LDLRAD3: variants seen among roughly 807,000 people sequenced by gnomAD.
LDLRAD3 encodes low density lipoprotein receptor class A domain containing 3, also known as low-density lipoprotein receptor class A domain-containing protein 3.
In LDLRAD3, 20 loss-of-function variants were observed where a neutral mutation model predicts 29.4. The ratio of observed to expected loss-of-function variants is 0.68; its 90% CI spans 0.48 to 0.99. The LOEUF is 0.99. LDLRAD3 is among the 50% of genes least tolerant of loss of function. The pLI is 0.00. For synonymous variants in LDLRAD3, 157 were observed against 192.7 expected, an observed-to-expected ratio of 0.81 and a Z score of 1.53; for missense variants, 420 against 454.3, an observed-to-expected ratio of 0.92 and a Z score of 0.69.
chr11:36,018,063 G>A (rs1178557179), intron 1 of LDLRAD3, among the ~76,000 whole-genome samples: 6 of 152,316 alleles, frequency 3.9e-5, no homozygotes, highest in East Asian at 1.9e-4. Flanking sequence ...GGGCACAAAC[G>A]AGATTAATTT....
rs961517591 is a variant in LDLRAD3 at position 36,019,283 on chromosome 11, A to G, written c.47-16820A>G. 1.3e-5 allele frequency among the ~76,000 whole-genome samples: 2 copies of G among 152,318 alleles called. 1 individual carries two copies. The highest frequency in any genetic ancestry group is 4.1e-4 in the South Asian group (2 of 4,826). On this transcript the variant is annotated intron_variant, in intron 1 of 5. Coordinates refer to ENST00000315571, the MANE Select transcript of LDLRAD3 (RefSeq NM_174902.4). ...TCTTGCCCCGTGTCTCTTAAAAACC[A>G]TGGTCTCTCATGTTGTTAGCATAAA...
At chr11:35,968,034 A>T in intron 1 of LDLRAD3, 1 of 459,680 alleles carries the variant, frequency 2.2e-6, no homozygotes, top group Non-Finnish European at 4.4e-6. Flanking sequence ...GACTGTACCA[A>T]ATTCACCAAC....
At position 35,963,435 on chromosome 11, in the gene LDLRAD3, T is replaced by G. The variant is rs537440160; in HGVS notation, c.46+19291T>G. ...CTCCCAGTTCTGTGTGTGTGTGTGT[T>G]TTTTTTTTTTTAACACGTTGTTACA... is the stretch of plus-strand genomic sequence containing the variant. On this transcript the variant is annotated intron_variant, in intron 1 of 5. Transcript: ENST00000315571. Among the ~76,000 whole-genome samples, 1,176 of 147,724 alleles carry G rather than the reference T, an allele frequency of 8.0e-3. 8 individuals carry two copies. Among genetic ancestry groups the G allele is most frequent in the South Asian group, 0.01 (49 of 4,714 alleles).
At chr11:36,136,482 A>C (rs1854005633) in intron 4 of LDLRAD3, among the ~76,000 whole-genome samples, 1 of 151,996 alleles carries the variant, frequency 6.6e-6, no homozygotes, top group Non-Finnish European at 1.5e-5. Flanking sequence ...TGCTGTCTCT[A>C]TGATAGTGAG....
In LDLRAD3 at chr11:36,177,746, C is replaced by T. The variant is rs551410249; in HGVS notation, c.455-49339C>T. Among the ~76,000 whole-genome samples, 48 of 152,334 alleles carry T rather than the reference C, an allele frequency of 3.2e-4. No individual in the cohort carries two copies. The South Asian group carries it at 5.6e-3, about 18-fold the overall frequency. On this transcript the variant is annotated intron_variant, in intron 4 of 5. Coordinates refer to ENST00000315571, the MANE Select transcript of LDLRAD3 (RefSeq NM_174902.4). ...GGAGGTAGCAGGGGAGTGAAGTGGA[C>T]TCTGTCCTTGGTTGTAATTTTGTAT...
At chr11:36,179,429 G>A (rs1854724701) in intron 4 of LDLRAD3, among the ~76,000 whole-genome samples, 1 of 152,080 alleles carries the variant, frequency 6.6e-6, no homozygotes, top group African/African-American at 2.4e-5. Context: ...AGCCAAGATT[G>A]TGCCACTGCA....
intron 2 of LDLRAD3, among the ~76,000 whole-genome samples, chr11:36,061,202 A>C (rs1489806463): frequency 6.6e-6 from 1 of 152,118 alleles, no homozygotes; most frequent in African/African-American, 2.4e-5. Context: ...GCAGTGGTGC[A>C]ATCTCGGCTC....
rs578171596 is a variant in LDLRAD3, at chr11:36,145,386, G to T, written c.454+46925G>T. On this transcript the variant is annotated intron_variant, in intron 4 of 5. Coordinates refer to ENST00000315571, the MANE Select transcript of LDLRAD3 (RefSeq NM_174902.4). ...CGCCCCGTCTGGGAGGGAGGTGGGG[G>T]GGTCAGCCCCCCGCCCAGCCAGCCA... 2.9e-3 allele frequency among the ~76,000 whole-genome samples: 290 copies of T among 101,354 alleles called. 10 individuals carry two copies. The highest frequency in any genetic ancestry group is 0.01 in the African/African-American group (218 of 21,346). 66.5% of individuals were successfully genotyped at this position (101,354 alleles called of 152,430 possible).
intron 1 of LDLRAD3, among the ~76,000 whole-genome samples, chr11:35,977,125 G>A (rs2133153044): frequency 6.6e-6 from 1 of 152,270 alleles, no homozygotes; most frequent in East Asian, 1.9e-4. Flanking sequence ...GGGTGGCATG[G>A]TGCTAGCTCC....
chr11:36,004,274 A>T (rs1025432985), intron 1 of LDLRAD3, among the ~76,000 whole-genome samples: 16 of 152,298 alleles, frequency 1.1e-4, no homozygotes, highest in Admixed American at 5.2e-4. Flanking sequence ...TACAATGGGG[A>T]TACAGGTATA....
At chr11:35,993,215 A>G (rs1851711068) in intron 1 of LDLRAD3, among the ~76,000 whole-genome samples, 2 of 152,182 alleles carry the variant, frequency 1.3e-5, no homozygotes, top group Non-Finnish European at 2.9e-5. Flanking sequence ...AACAAGTTAA[A>G]AGATTGAGCA....
intron 1 of LDLRAD3, among the ~76,000 whole-genome samples, chr11:35,960,958 C>T (rs1851269954): frequency 6.6e-6 from 1 of 152,230 alleles, no homozygotes; most frequent in African/African-American, 2.4e-5. Flanking sequence ...GTGGCCAGGC[C>T]TGTTCCCTCA....
chr11:36,082,663 G>A (rs894702572), intron 3 of LDLRAD3, among the ~76,000 whole-genome samples: 1 of 152,182 alleles, frequency 6.6e-6, no homozygotes, highest in Non-Finnish European at 1.5e-5. Flanking sequence ...GTATCAGTGT[G>A]CATGCACACA....
At chr11:36,120,525 GA>G (rs1329215575) in intron 4 of LDLRAD3, among the ~76,000 whole-genome samples, 6 of 150,334 alleles carry the variant, frequency 4.0e-5, no homozygotes, top group East Asian at 1.9e-4. Flanking sequence ...AAAGGAATTT[GA>G]AAAAAAAAGA....
At chr11:35,960,892 C>G (rs559346461) in intron 1 of LDLRAD3, among the ~76,000 whole-genome samples, 1 of 152,324 alleles carries the variant, frequency 6.6e-6, no homozygotes, top group East Asian at 1.9e-4. Flanking sequence ...CCGTGCCCGG[C>G]CTGCTTTGGT....
intron 1 of LDLRAD3, among the ~76,000 whole-genome samples, chr11:35,953,099 G>C (rs1376132639): frequency 6.6e-6 from 1 of 152,186 alleles, no homozygotes; most frequent in Non-Finnish European, 1.5e-5. Flanking sequence ...CCTTTCCAGA[G>C]ACCTGAGAAC....
At chr11:36,014,386 T>C (rs1320021213) in intron 1 of LDLRAD3, among the ~76,000 whole-genome samples, 1 of 152,202 alleles carries the variant, frequency 6.6e-6, no homozygotes, top group African/African-American at 2.4e-5. Flanking sequence ...GAAAATGCTG[T>C]GTAACACCAT....
intron 4 of LDLRAD3, among the ~76,000 whole-genome samples, chr11:36,110,980 A>T (rs1476468712): frequency 6.6e-6 from 1 of 152,196 alleles, no homozygotes; most frequent in Non-Finnish European, 1.5e-5. Context: ...GGAATAGTAT[A>T]GCCAAAGACA....
rs539910812 is a variant in LDLRAD3, at chr11:36,007,803, G to A, written c.47-28300G>A. On this transcript the variant is annotated intron_variant, in intron 1 of 5. Transcript: ENST00000315571. ...GTCCTCGTAAATTTTCTTTCTGAGG[G>A]GAAACTGGCAGGAGAATCCGACAGG... 4.5e-4 allele frequency among the ~76,000 whole-genome samples: 68 copies of A among 152,308 alleles called. 1 individual carries two copies. In the South Asian group the frequency reaches 0.012, roughly 28 times the overall value.
Sources: gnomAD v4.1 joint callset for allele counts (sites outside exome capture counted in the v4.1 genomes callset) on GRCh38, gnomAD v4.1.1 for gene constraint, MANE v1.5 for transcripts, NCBI Gene and HGNC (gene_info 2026-07-23, HGNC 2026-07-21) for gene names.